STPG1: variants seen among roughly 807,000 people sequenced by gnomAD.
The protein encoded by STPG1 is O(6)-methylguanine-induced apoptosis 2.
A neutral mutation model predicts 40.1 loss-of-function variants in STPG1; 33 were observed. The observed-to-expected ratio is 0.82, with a 90% CI of 0.62 to 1.10. The LOEUF (loss-of-function observed/expected upper bound fraction) is 1.10. STPG1 is among the 50% of genes least tolerant of loss of function. The pLI is 0.00. For missense variants in STPG1, 396 were observed against 415.1 expected, an observed-to-expected ratio of 0.95 and a Z score of 0.40; for synonymous variants, 150 against 155.0, an observed-to-expected ratio of 0.97 and a Z score of 0.24.
At position 24,357,161 on chromosome 1, in the gene STPG1, T is replaced by G. The variant is rs992491366; in HGVS notation, c.*1382A>C. On this transcript the variant is annotated 3_prime_UTR_variant, in exon 9 of 9. Transcript: ENST00000337248. Reference sequence around the variant, plus strand: ...GGTTCCCATTAGGCTTGCCTGCCCCTGTGGGAGGGACCCAGTGGGGCACCC... The same window carrying G: ...GGTTCCCATTAGGCTTGCCTGCCCCGGTGGGAGGGACCCAGTGGGGCACCC... 3 of 150,710 alleles carry G rather than the reference T, an allele frequency of 2.0e-5. No homozygotes were observed. The highest frequency in any genetic ancestry group is 4.4e-5 in the Non-Finnish European group (3 of 67,764). The allele number at this position is 150,710 out of a possible 1,614,324, so 9.3% of individuals were successfully genotyped here. A position where few individuals can be genotyped will look rare whatever the true frequency, so the allele number is the denominator to read the frequency against.
chr1:24,392,859 A>G (rs564859322), intron 2 of STPG1, among the ~76,000 whole-genome samples: 11 of 25,934 alleles, frequency 4.2e-4, no homozygotes, highest in East Asian at 3.9e-3. Flanking sequence ...GAAATGGGGG[A>G]AAAAAAACAG....
At chr1:24,395,614 A>G (rs922282870) in intron 2 of STPG1, among the ~76,000 whole-genome samples, 1 of 151,854 alleles carries the variant, frequency 6.6e-6, no homozygotes, top group Non-Finnish European at 1.5e-5. Flanking sequence ...TTGTATTTTT[A>G]GTAGAGACGG....
chr1:24,358,315 G>A lies in STPG1; in HGVS notation c.*228C>T, dbSNP rs1367767482. On this transcript the variant is annotated 3_prime_UTR_variant, in exon 9 of 9. Coordinates refer to ENST00000337248, the MANE Select transcript of STPG1 (RefSeq NM_001199013.2). The stretch of plus-strand genomic sequence containing the variant: ...TCCACTCCTCCCTTCTGCTCAGGAA[G>A]CCACTGGAGTCTGTGGGGCTGGGGT... 1 of 680,894 alleles carries A rather than the reference G, an allele frequency of 1.5e-6. No homozygotes were observed. Among genetic ancestry groups the A allele is most frequent in the East Asian group, 2.8e-5 (1 of 35,602 alleles). 42.2% of individuals were successfully genotyped at this position (680,894 alleles called of 1,614,324 possible).
intron 7 of STPG1, among the ~76,000 whole-genome samples, chr1:24,362,801 G>A (rs1641209144): frequency 6.6e-6 from 1 of 152,232 alleles, no homozygotes; most frequent in African/African-American, 2.4e-5. Context: ...TCTTGTGGTG[G>A]AGGAGCAGCT....
chr1:24,384,147 C>T, intron 3 of STPG1, 144 bp from the exon 4 acceptor site: 1 of 587,070 alleles, frequency 1.7e-6, no homozygotes, highest in Non-Finnish European at 3.1e-6. Context: ...AGCCTAGCTC[C>T]ACCATTTCCT....
rs560903876 is a variant in STPG1, at chr1:24,366,801, C to T, written c.737+2873G>A. Among the ~76,000 whole-genome samples the T allele has an allele frequency of 6.6e-5, 10 of 152,268 alleles. No homozygotes were observed. The East Asian group carries it at 1.7e-3, about 26-fold the overall frequency. The stretch of plus-strand genomic sequence containing the variant: ...GAGCAGCCCCAGACCACAGAGCCAG[C>T]TATACAAATGTCGTGCTATAGAGCC... On this transcript the variant is annotated intron_variant, in intron 7 of 8. Coordinates refer to ENST00000337248, the MANE Select transcript of STPG1 (RefSeq NM_001199013.2).
chr1:24,391,643 G>C lies in STPG1; in HGVS notation c.107C>G (p.Pro36Arg), dbSNP rs1344650356. 3 of 1,549,766 alleles carry C rather than the reference G, an allele frequency of 1.9e-6. No homozygotes were observed. The highest frequency in any genetic ancestry group is 2.4e-5 in the South Asian group (2 of 84,022). The change falls in exon 3 of 9, where the codon CCT (proline) becomes CGT (arginine). Residue 36 changes from proline to arginine, a missense_variant. Coordinates refer to ENST00000337248, the MANE Select transcript of STPG1 (RefSeq NM_001199013.2). ...TAAYPTQSSI[P>R]FKSQASVIPE... ...GATTACTGAAGCTTGAGATTTAAAA[G>C]GAATGGAGGATTGTGTTGGATATGC... is the stretch of plus-strand genomic sequence containing the variant.
chr1:24,374,155 T>C (rs1641891160), intron 5 of STPG1, among the ~76,000 whole-genome samples: 1 of 151,908 alleles, frequency 6.6e-6, no homozygotes, highest in Non-Finnish European at 1.5e-5. Context: ...TTTTCTCATC[T>C]GTAAAACGGA....
intron 7 of STPG1, chr1:24,364,570 C>T (rs542032426): frequency 9.8e-6 from 9 of 921,778 alleles, no homozygotes; most frequent in Admixed American, 4.2e-5. Context: ...AGCCCTATCC[C>T]GGGAACATTT....
At chr1:24,400,810 G>GT (rs1643193760) in intron 2 of STPG1, among the ~76,000 whole-genome samples, 1 of 152,202 alleles carries the variant, frequency 6.6e-6, no homozygotes, top group South Asian at 2.1e-4. Context: ...AATGTGGATG[G>GT]TTGACCAATG....
intron 7 of STPG1, 128 bp downstream of exon 7, chr1:24,369,546 A>C (rs1169160975): frequency 2.1e-6 from 2 of 958,982 alleles, no homozygotes; most frequent in African/African-American, 3.3e-5. Context: ...ATGTGTGACT[A>C]AGGGCCCCTG....
chr1:24,383,068 C>T (rs1236732977), intron 4 of STPG1, among the ~76,000 whole-genome samples: 2 of 152,000 alleles, frequency 1.3e-5, no homozygotes, highest in African/African-American at 2.4e-5. Context: ...CACATCACCA[C>T]TCCTGGCTAA....
chr1:24,405,940 C>G (rs756589798), intron 1 of STPG1, among the ~76,000 whole-genome samples: 32 of 152,068 alleles, frequency 2.1e-4, no homozygotes, highest in Non-Finnish European at 4.3e-4. Context: ...TTTCTTCACA[C>G]TTCTGCTTGC....
chr1:24,378,783 T>C (rs1368153519), intron 5 of STPG1, among the ~76,000 whole-genome samples: 1 of 152,252 alleles, frequency 6.6e-6, no homozygotes, highest in Non-Finnish European at 1.5e-5. Flanking sequence ...ATGTCTTAAG[T>C]ACAATTCATA....
intron 2 of STPG1, among the ~76,000 whole-genome samples, chr1:24,396,717 T>C (rs1643021545): frequency 6.6e-6 from 1 of 151,982 alleles, no homozygotes; most frequent in Non-Finnish European, 1.5e-5. Flanking sequence ...CCTAATAGGC[T>C]AACAAAGGAG....
chr1:24,384,145 T>G (rs1642405114), intron 3 of STPG1, 142 bp from the exon 4 acceptor site: 1 of 587,372 alleles, frequency 1.7e-6, no homozygotes, highest in Non-Finnish European at 3.1e-6. Flanking sequence ...ACAGCCTAGC[T>G]CCACCATTTC....
chr1:24,357,888 C>A lies in STPG1; in HGVS notation c.*655G>T. On this transcript the variant is annotated 3_prime_UTR_variant, in exon 9 of 9. Transcript: ENST00000337248. ...GTCAGGGAAAAGCGCAGCCCCCGGG[C>A]CCGGCCACTGCCATTCCAAGATGAT... The A allele has an allele frequency of 3.1e-6, 1 of 321,064 alleles. No homozygotes were observed. Among genetic ancestry groups the A allele is most frequent in the South Asian group, 2.7e-5 (1 of 36,404 alleles). 19.9% of individuals were successfully genotyped at this position (321,064 alleles called of 1,614,324 possible).
intron 5 of STPG1, among the ~76,000 whole-genome samples, chr1:24,378,234 T>C (rs1178720105): frequency 6.6e-6 from 1 of 152,178 alleles, no homozygotes; most frequent in Non-Finnish European, 1.5e-5. Flanking sequence ...TTCATAACTT[T>C]TATATTGATT....
At chr1:24,361,333 C>G (rs934219886) in intron 7 of STPG1, among the ~76,000 whole-genome samples, 2 of 152,168 alleles carry the variant, frequency 1.3e-5, no homozygotes, top group African/African-American at 4.8e-5. Flanking sequence ...ACAGTGAGAG[C>G]TCAGTGTGCA....
Sources: gnomAD v4.1 joint callset for allele counts (sites outside exome capture counted in the v4.1 genomes callset) on GRCh38, gnomAD v4.1.1 for gene constraint, MANE v1.5 for transcripts, NCBI Gene and HGNC (gene_info 2026-07-23, HGNC 2026-07-21) for gene names.